ODAD2: variants seen among roughly 807,000 people sequenced by gnomAD.
The protein encoded by ODAD2 is outer dynein arm-docking complex subunit 2.
A neutral mutation model predicts 106.8 loss-of-function variants in ODAD2; 89 were observed. The observed-to-expected ratio is 0.83, with a 90% CI of 0.70 to 0.99. ODAD2 has a LOEUF of 0.99. Among genes scored for constraint, ODAD2 ranks in the 50% least tolerant of loss-of-function variants. The pLI is 0.00. For synonymous variants in ODAD2, 404 were observed against 436.2 expected, an observed-to-expected ratio of 0.93 and a Z score of 0.92; for missense variants, 1,168 against 1,238.5, an observed-to-expected ratio of 0.94 and a Z score of 0.85.
intron 17 of ODAD2, 58 bp from the exon 18 acceptor site, chr10:27,862,680 T>G (rs2133345448): frequency 7.3e-7 from 1 of 1,375,862 alleles, no homozygotes; most frequent in East Asian, 2.4e-5. Flanking sequence ...TAGGCATTTT[T>G]TAAGAGGCAG....
intron 1 of ODAD2, chr10:27,995,690 T>G (rs576443834): frequency 6.5e-6 from 1 of 152,880 alleles, no homozygotes; most frequent in African/African-American, 2.4e-5. Context: ...CTGAAGAACA[T>G]GATTCTGGTA....
chr10:27,815,491 G>A (rs995634819), intron 19 of ODAD2, among the ~76,000 whole-genome samples: 1 of 152,156 alleles, frequency 6.6e-6, no homozygotes, highest in Admixed American at 6.5e-5. Context: ...CCCTCTCAGA[G>A]GATGTCAGTA....
At chr10:27,830,295 C>T (rs955527299) in intron 19 of ODAD2, among the ~76,000 whole-genome samples, 1 of 152,180 alleles carries the variant, frequency 6.6e-6, no homozygotes, top group Non-Finnish European at 1.5e-5. Flanking sequence ...TCCATTCATT[C>T]CACACAAATC....
At chr10:27,816,288 GA>G (rs1404585658) in intron 19 of ODAD2, among the ~76,000 whole-genome samples, 1 of 152,162 alleles carries the variant, frequency 6.6e-6, no homozygotes, top group East Asian at 1.9e-4. Context: ...ATGTTTTTGA[GA>G]AACAGGAAGA....
At chr10:27,972,817 C>T (rs1848944010) in intron 7 of ODAD2, among the ~76,000 whole-genome samples, 1 of 151,962 alleles carries the variant, frequency 6.6e-6, no homozygotes, top group South Asian at 2.1e-4. Context: ...TGGTAGACTT[C>T]AAAACTCTCT....
intron 19 of ODAD2, among the ~76,000 whole-genome samples, chr10:27,850,589 A>C (rs1652527436): frequency 6.6e-6 from 1 of 152,114 alleles, no homozygotes; most frequent in African/African-American, 2.4e-5. Flanking sequence ...TAAATAAATA[A>C]ATAAAATGAA....
At chr10:27,872,889 T>G (rs910171140) in intron 17 of ODAD2, among the ~76,000 whole-genome samples, 2 of 152,128 alleles carry the variant, frequency 1.3e-5, no homozygotes, top group Non-Finnish European at 2.9e-5. Context: ...TTAGAGAGGA[T>G]TCCCTCTTTT....
At chr10:27,962,740 C>T (rs4303140) in intron 9 of ODAD2, among the ~76,000 whole-genome samples, 81,146 of 151,718 alleles carry the variant, frequency 0.53, 21,904 homozygotes, top group Middle Eastern at 0.65. Flanking sequence ...CTCATGCACA[C>T]GCACACTCAT....
intron 9 of ODAD2, 69 bp downstream of exon 9, chr10:27,968,853 AT>A (rs1848643659): frequency 4.4e-6 from 2 of 455,202 alleles, no homozygotes; most frequent in African/African-American, 4.8e-5. Context: ...GATGCCATTA[AT>A]TTGCATGCTC....
intron 7 of ODAD2, among the ~76,000 whole-genome samples, chr10:27,979,209 GA>G (rs1210186343): frequency 1.4e-5 from 2 of 138,952 alleles, no homozygotes; most frequent in Non-Finnish European, 3.1e-5. Context: ...GTGACAGAGT[GA>G]GATGGAGTGA....
chr10:27,917,354 G>T (rs1227840897), intron 16 of ODAD2, among the ~76,000 whole-genome samples: 1 of 152,110 alleles, frequency 6.6e-6, no homozygotes, highest in Non-Finnish European at 1.5e-5. Flanking sequence ...ACTTATGTTT[G>T]TGGGATGAGG....
intron 2 of ODAD2, among the ~76,000 whole-genome samples, chr10:27,994,019 C>T (rs1314011547): frequency 7.5e-6 from 1 of 134,150 alleles, no homozygotes; most frequent in Non-Finnish European, 1.6e-5. Context: ...TATTTGTTAG[C>T]TTACTTATTG....
At chr10:27,961,234 T>C (rs1848116934) in intron 10 of ODAD2, among the ~76,000 whole-genome samples, 1 of 152,170 alleles carries the variant, frequency 6.6e-6, no homozygotes, top group Non-Finnish European at 1.5e-5. Context: ...AGCCTGGAGT[T>C]TAACCGAAGT....
At chr10:27,944,995 G>T (rs377014266) in intron 10 of ODAD2, 33 bp from the exon 11 acceptor site, 1 of 1,611,614 alleles carries the variant, frequency 6.2e-7, no homozygotes, top group South Asian at 1.1e-5. Context: ...AAAGGTTAAG[G>T]AACACCGCAT....
intron 9 of ODAD2, among the ~76,000 whole-genome samples, chr10:27,966,350 A>T (rs1028813646): frequency 1.3e-5 from 2 of 152,212 alleles, no homozygotes; most frequent in Admixed American, 6.5e-5. Flanking sequence ...AAGTTCTTTG[A>T]GGAAAGCCTA....
intron 16 of ODAD2, among the ~76,000 whole-genome samples, chr10:27,914,630 T>C (rs1844235694): frequency 6.6e-6 from 1 of 152,140 alleles, no homozygotes; most frequent in South Asian, 2.1e-4. Flanking sequence ...TTATCTCCTC[T>C]GTAGGCAAAG....
chr10:27,912,095 A>G (rs1362041019), intron 16 of ODAD2, among the ~76,000 whole-genome samples: 1 of 152,192 alleles, frequency 6.6e-6, no homozygotes, highest in Non-Finnish European at 1.5e-5. Context: ...TGACAACTTC[A>G]TTGCTTTCTG....
intron 1 of ODAD2, among the ~76,000 whole-genome samples, 174 bp downstream of exon 1, chr10:27,998,820 C>G (rs1005054483): frequency 6.6e-6 from 1 of 152,130 alleles, no homozygotes; most frequent in African/African-American, 2.4e-5. Context: ...ACCCTGCCCC[C>G]CGCAGTCGGC....
intron 9 of ODAD2, among the ~76,000 whole-genome samples, chr10:27,964,579 C>G (rs1351016116): frequency 6.6e-6 from 1 of 152,118 alleles, no homozygotes; most frequent in Non-Finnish European, 1.5e-5. Flanking sequence ...CAAGGAAAAG[C>G]TGTGGTTTTG....
Sources: gnomAD v4.1 joint callset for allele counts (sites outside exome capture counted in the v4.1 genomes callset) on GRCh38, gnomAD v4.1.1 for gene constraint, MANE v1.5 for transcripts, NCBI Gene and HGNC (gene_info 2026-07-23, HGNC 2026-07-21) for gene names.